The following WDR70 variants were observed in gnomAD, a reference collection of about 807,000 sequenced individuals.
WDR70 encodes WD repeat domain 70, also known as WD repeat-containing protein 70.
Under a neutral mutation model 88.6 loss-of-function variants are expected in WDR70, and 53 were observed. The ratio of observed to expected loss-of-function variants is 0.60; its 90% CI spans 0.48 to 0.75. WDR70 has a LOEUF of 0.75. Ranked by LOEUF, WDR70 falls within the 30% of genes least tolerant of loss-of-function variation. The pLI, the probability that WDR70 is intolerant of heterozygous loss-of-function variation, is 0.00. For synonymous variants in WDR70, 280 were observed against 270.0 expected, an observed-to-expected ratio of 1.04 and a Z score of -0.36; for missense variants, 610 against 823.2, an observed-to-expected ratio of 0.74 and a Z score of 3.17.
chr5:37,399,058 C>T (rs893784015), intron 5 of WDR70, among the ~76,000 whole-genome samples: 4 of 152,166 alleles, frequency 2.6e-5, no homozygotes, highest in African/African-American at 9.7e-5. Flanking sequence ...ATGGGCGGAT[C>T]ACGAGGTCAG....
chr5:37,420,639 C>T (rs1749917943), intron 5 of WDR70, among the ~76,000 whole-genome samples: 2 of 152,134 alleles, frequency 1.3e-5, no homozygotes, highest in Non-Finnish European at 2.9e-5. Flanking sequence ...ATATGTTCCT[C>T]AGGCTGTTCC....
At chr5:37,659,841 CT>C (rs1745656098) in intron 10 of WDR70, among the ~76,000 whole-genome samples, 1 of 152,130 alleles carries the variant, frequency 6.6e-6, no homozygotes, top group African/African-American at 2.4e-5. Context: ...TCATCTAAAC[CT>C]AATTACCTCC....
intron 5 of WDR70, among the ~76,000 whole-genome samples, chr5:37,435,954 A>G (rs937479279): frequency 6.6e-6 from 1 of 151,774 alleles, no homozygotes; most frequent in Non-Finnish European, 1.5e-5. Flanking sequence ...TGAGAAGCTT[A>G]TATTTTGCAG....
At chr5:37,473,204 T>G (rs901951941) in intron 7 of WDR70, among the ~76,000 whole-genome samples, 2 of 147,104 alleles carry the variant, frequency 1.4e-5, no homozygotes, top group African/African-American at 4.9e-5. Context: ...TCTATCTTTT[T>G]ACTTTTAGTG....
intron 9 of WDR70, among the ~76,000 whole-genome samples, chr5:37,559,696 T>G (rs1161824870): frequency 6.6e-6 from 1 of 151,874 alleles, no homozygotes; most frequent in Non-Finnish European, 1.5e-5. Context: ...AATACAAAAA[T>G]TAGCTGGGGG....
At chr5:37,651,454 AT>A (rs1359769759) in intron 10 of WDR70, among the ~76,000 whole-genome samples, 4 of 152,206 alleles carry the variant, frequency 2.6e-5, no homozygotes, top group Non-Finnish European at 5.9e-5. Flanking sequence ...TAGTAGAATG[AT>A]TTATAATCCT....
At chr5:37,428,827 G>C (rs1750217811) in intron 5 of WDR70, among the ~76,000 whole-genome samples, 1 of 151,472 alleles carries the variant, frequency 6.6e-6, no homozygotes, top group Non-Finnish European at 1.5e-5. Flanking sequence ...CTAGCAAACT[G>C]TTTTTTAGAG....
At position 37,479,958 on chromosome 5, in the gene WDR70, C is replaced by T. The variant is rs1196801900; in HGVS notation, c.811C>T (p.Gln271Ter). ...AGTAATGGAATGTATAAAAGGAGACCAGTATATTGTGGACATGGCCAACAC... is the reference window on the plus strand; with the variant it reads ...AGTAATGGAATGTATAAAAGGAGACTAGTATATTGTGGACATGGCCAACAC... ...FEVMECIKGDQYIVDMANTKG... is the reference protein window; with the variant it reads ...FEVMECIKGD The change falls in exon 8 of 18, where the codon CAG becomes TAG. Residue 271 changes from glutamine to a stop codon, truncating the protein, a stop_gained. Transcript: ENST00000265107. LOFTEE classifies it high-confidence loss of function. The T allele has an allele frequency of 4.3e-6, 7 of 1,613,916 alleles. No individual in the cohort carries two copies. Among genetic ancestry groups the T allele is most frequent in the Non-Finnish European group, 5.9e-6 (7 of 1,179,954 alleles).
intron 9 of WDR70, among the ~76,000 whole-genome samples, chr5:37,549,265 T>C (rs1003348883): frequency 2.0e-5 from 3 of 152,238 alleles, no homozygotes; most frequent in Non-Finnish European, 2.9e-5. Flanking sequence ...TTCTAATCCA[T>C]GAACATAGAA....
chr5:37,523,773 A>G (rs952042457), intron 9 of WDR70, among the ~76,000 whole-genome samples: 2 of 152,218 alleles, frequency 1.3e-5, no homozygotes, highest in Non-Finnish European at 2.9e-5. Flanking sequence ...ACCAGTGTAG[A>G]GAAGTCCTTA....
chr5:37,426,653 T>C (rs1185150888), intron 5 of WDR70, among the ~76,000 whole-genome samples: 2 of 152,186 alleles, frequency 1.3e-5, no homozygotes, highest in Non-Finnish European at 2.9e-5. Flanking sequence ...CAACAGTGTA[T>C]CCAGACTTCT....
chr5:37,620,076 C>T (rs1744464224), intron 10 of WDR70: 3 of 151,956 alleles, frequency 2.0e-5, no homozygotes, highest in African/African-American at 7.2e-5. Context: ...AGTATATATG[C>T]TGCCGTGAAC....
intron 10 of WDR70, among the ~76,000 whole-genome samples, chr5:37,619,504 C>G (rs1744446094): frequency 6.6e-6 from 1 of 152,146 alleles, no homozygotes; most frequent in African/African-American, 2.4e-5. Flanking sequence ...CCAAACATTA[C>G]TGTTTTAACT....
chr5:37,572,994 T>C lies in WDR70; in HGVS notation c.918-32070T>C, dbSNP rs185025654. Among the ~76,000 whole-genome samples the C allele has an allele frequency of 2.6e-5, 4 of 152,332 alleles. No homozygotes were observed. In the East Asian group the frequency reaches 7.7e-4, roughly 29 times the overall value. ...TTTTCCATCTCTTAGCTTTAGCACC[T>C]GCTCTTTCTTCTTCCTGGAATGCTC... On this transcript the variant is annotated intron_variant, in intron 9 of 17. Transcript: ENST00000265107.
intron 5 of WDR70, among the ~76,000 whole-genome samples, chr5:37,421,496 C>T (rs1749945502): frequency 6.6e-6 from 1 of 152,088 alleles, no homozygotes; most frequent in African/African-American, 2.4e-5. Context: ...ATTATTTTTC[C>T]CTGTGAAAAC....
chr5:37,674,640 C>T (rs957461659), intron 10 of WDR70, among the ~76,000 whole-genome samples: 5 of 152,082 alleles, frequency 3.3e-5, no homozygotes, highest in South Asian at 4.1e-4. Flanking sequence ...CATCGTTGGA[C>T]GTTTGGGTTG....
intron 8 of WDR70, among the ~76,000 whole-genome samples, chr5:37,484,118 C>T (rs912674447): frequency 2.0e-5 from 3 of 152,180 alleles, no homozygotes; most frequent in African/African-American, 7.2e-5. Context: ...CGATGGGCGG[C>T]CAGGCAGAGA....
chr5:37,597,482 G>A (rs1743737911), intron 9 of WDR70, among the ~76,000 whole-genome samples: 2 of 151,976 alleles, frequency 1.3e-5, no homozygotes, highest in African/African-American at 4.8e-5. Context: ...TTTATCATCT[G>A]TTTCTCTAAC....
chr5:37,503,853 T>C lies in WDR70; in HGVS notation c.841-12661T>C, dbSNP rs1247102269. On this transcript the variant is annotated intron_variant, in intron 8 of 17. Transcript: ENST00000265107. ...CCATTCCTGATGCAAGCTCTGGGGGTTGTATGCTCCTAGGAATTCAACCAT... is the reference window on the plus strand; with the variant it reads ...CCATTCCTGATGCAAGCTCTGGGGGCTGTATGCTCCTAGGAATTCAACCAT... 4.6e-5 allele frequency among the ~76,000 whole-genome samples: 7 copies of C among 152,122 alleles called. No individual in the cohort carries two copies. In the South Asian group the frequency reaches 1.2e-3, roughly 27 times the overall value.
Sources: allele counts gnomAD v4.1 joint callset (sites outside exome capture counted in the v4.1 genomes callset), GRCh38; gene constraint gnomAD v4.1.1; transcripts MANE v1.5; gene names NCBI Gene and HGNC (gene_info 2026-07-23, HGNC 2026-07-21).